The following ARFGAP3 variants were observed in gnomAD, a reference collection of about 807,000 sequenced individuals.
ARFGAP3 encodes the protein ADP-ribosylation factor GTPase-activating protein 3.
In ARFGAP3, 72 loss-of-function variants were observed where a neutral mutation model predicts 75.0. The ratio of observed to expected loss-of-function variants is 0.96; its 90% CI spans 0.79 to 1.17. The LOEUF is 1.17. Among genes scored for constraint, ARFGAP3 ranks in the 50% most tolerant of loss-of-function variants. The pLI is 0.00. For missense variants in ARFGAP3, 620 were observed against 626.6 expected (o/e 0.99, Z 0.11); for synonymous variants, 221 against 217.9 (o/e 1.01, Z -0.13).
chr22:42,840,829 C>A, intron 3 of ARFGAP3, 115 bp downstream of exon 3: 4 of 1,117,664 alleles, frequency 3.6e-6, no homozygotes, highest in Non-Finnish European at 5.1e-6. Flanking sequence ...TTTCAGCCTC[C>A]CAAATGGCTG....
chr22:42,817,246 C>T lies in ARFGAP3; in HGVS notation c.960G>A (p.Val320=). The T allele has an allele frequency of 6.2e-7, 1 of 1,609,512 alleles. No homozygotes were observed. Among genetic ancestry groups the T allele is most frequent in the South Asian group, 1.1e-5 (1 of 90,080 alleles). ...GCTCTATGGTCTGCATATCTGAAGT[C>T]ACTGAATGTGAAATAACACTTGAGA... is the stretch of plus-strand genomic sequence containing the variant. ...GNCRSVISHS[V]TSDMQTIEQE... Residue 320 remains valine (V), a synonymous_variant, in exon 11 of 16, where the codon GTG becomes GTA. Transcript: ENST00000263245.
At chr22:42,847,194 G>T (rs537345395) in intron 2 of ARFGAP3, 13 of 204,302 alleles carry the variant, frequency 6.4e-5, no homozygotes, top group South Asian at 1.7e-4. Flanking sequence ...AAGAGACAGG[G>T]TCTTACTCTG....
intron 3 of ARFGAP3, among the ~76,000 whole-genome samples, chr22:42,839,871 A>G: frequency 6.6e-6 from 1 of 152,084 alleles, no homozygotes; most frequent in East Asian, 1.9e-4. Flanking sequence ...ATTTTTATTT[A>G]TAATAAAATA....
rs879856750 is a variant in ARFGAP3 at position 42,836,507 on chromosome 22, T to A, written c.262-1014A>T. ...ACAAATTAGTGAGGAGCTACATTAATGTTTACCTTGTTTAGCACTATTTTA... is the reference window on the plus strand; with the variant it reads ...ACAAATTAGTGAGGAGCTACATTAAAGTTTACCTTGTTTAGCACTATTTTA... On this transcript the variant is annotated intron_variant, in intron 3 of 15. Transcript: ENST00000263245. Among the ~76,000 whole-genome samples the A allele has an allele frequency of 5.3e-5, 8 of 152,234 alleles. 1 individual carries two copies. Among genetic ancestry groups the A allele is most frequent in the Admixed American group, 4.6e-4 (7 of 15,282 alleles).
At chr22:42,808,712 C>T in intron 13 of ARFGAP3, 55 bp downstream of exon 13, 5 of 1,451,762 alleles carry the variant, frequency 3.4e-6, no homozygotes, top group Non-Finnish European at 4.8e-6. Flanking sequence ...AATGCCCACA[C>T]CCACACTTCC....
rs1442734437 is a variant in ARFGAP3 at position 42,823,545 on chromosome 22, G to A, written c.672+111C>T. The stretch of plus-strand genomic sequence containing the variant: ...CAAAACATAGACTCCTTATATCAAA[G>A]CTACATTTATTACAAGATGGTTCAA... On this transcript the variant is annotated intron_variant, in intron 8 of 15. Transcript: ENST00000263245. 9 of 768,976 alleles carry A rather than the reference G, an allele frequency of 1.2e-5. No homozygotes were observed. In the Admixed American group the frequency reaches 2.9e-4, roughly 25 times the overall value. The allele number at this position is 768,976 out of a possible 1,614,324, so 47.6% of individuals were successfully genotyped here. A position where few individuals can be genotyped will look rare whatever the true frequency, so the allele number is the denominator to read the frequency against.
intron 2 of ARFGAP3, 124 bp from the exon 3 acceptor site, chr22:42,841,140 A>G: frequency 6.8e-7 from 1 of 1,460,982 alleles, no homozygotes; most frequent in Non-Finnish European, 9.0e-7. Flanking sequence ...TTGTGTCAAC[A>G]AGGACCCACA....
intron 8 of ARFGAP3, among the ~76,000 whole-genome samples, chr22:42,822,957 G>A (rs1168389354): frequency 2.0e-5 from 3 of 151,864 alleles, no homozygotes; most frequent in East Asian, 1.9e-4. Context: ...CTACAGGCAC[G>A]GGCCACCAAA....
chr22:42,853,459 T>G (rs941959689), intron 1 of ARFGAP3: 1 of 220,638 alleles, frequency 4.5e-6, no homozygotes, highest in African/African-American at 2.3e-5. Flanking sequence ...CTGGCCATCC[T>G]TGGGCTCTAG....
In ARFGAP3 at chr22:42,831,624, C is replaced by A. The variant is rs775057840; in HGVS notation, c.490G>T (p.Ala164Ser). 1 of 1,614,060 alleles carries A rather than the reference C, an allele frequency of 6.2e-7. No homozygotes were observed. The highest frequency in any genetic ancestry group is 1.1e-5 in the South Asian group (1 of 91,076). ...SHVSPEVSDTAWASAIAEPSS... is the reference protein window; with the variant it reads ...SHVSPEVSDTSWASAIAEPSS... ...GGTTCTGCTATTGCTGATGCCCACG[C>A]TGTGTCACTCACCTGAAACAAGGCG... is the stretch of plus-strand genomic sequence containing the variant. The change falls in exon 6 of 16, where the codon GCG becomes TCG. Residue 164 changes from alanine (A) to serine (S), a missense_variant. Coordinates refer to ENST00000263245, the MANE Select transcript of ARFGAP3 (RefSeq NM_014570.5).
intron 2 of ARFGAP3, among the ~76,000 whole-genome samples, chr22:42,845,372 A>G (rs1035540259): frequency 3.3e-5 from 5 of 152,014 alleles, no homozygotes; most frequent in Non-Finnish European, 2.9e-5. Context: ...TAAAAGTACA[A>G]AACTTAGATG....
chr22:42,848,277 C>T (rs774482799), intron 1 of ARFGAP3, among the ~76,000 whole-genome samples: 11 of 152,012 alleles, frequency 7.2e-5, no homozygotes, highest in Non-Finnish European at 1.2e-4. Flanking sequence ...GGCACGATTT[C>T]GTCTCACTGC....
chr22:42,826,817 CAG>C (rs1054422147), intron 7 of ARFGAP3, 121 bp downstream of exon 7: 50 of 628,210 alleles, frequency 8.0e-5, no homozygotes, highest in Middle Eastern at 4.2e-4. Context: ...ATCTTATTAA[CAG>C]ATTCGGTCAT....
chr22:42,822,213 C>G (rs1925841547), intron 9 of ARFGAP3, 57 bp downstream of exon 9: 2 of 1,361,512 alleles, frequency 1.5e-6, no homozygotes, highest in Admixed American at 2.0e-5. Flanking sequence ...AAAGCAAAAT[C>G]TTGAGTTAAT....
At chr22:42,813,099 A>T (rs1212472559) in intron 11 of ARFGAP3, among the ~76,000 whole-genome samples, 1 of 152,256 alleles carries the variant, frequency 6.6e-6, no homozygotes, top group Non-Finnish European at 1.5e-5. Context: ...AAGAACTAAG[A>T]TCAATTCAGT....
chr22:42,831,574 C>T lies in ARFGAP3; in HGVS notation c.540G>A (p.Val180=), dbSNP rs1322195514. The change falls in exon 6 of 16, where the codon GTG becomes GTA. Residue 180 remains valine, a synonymous_variant. Coordinates refer to ENST00000263245, the MANE Select transcript of ARFGAP3 (RefSeq NM_014570.5). ...CTTCATTATTTTCCAAAGTGGTTTCCACAGGCCTTGATGTTAAAGAAGATG... is the reference window on the plus strand; with the variant it reads ...CTTCATTATTTTCCAAAGTGGTTTCTACAGGCCTTGATGTTAAAGAAGATG... ...AEPSSLTSRP[V]ETTLENNEGG... is the part of the protein sequence containing the mutation. 1 of 1,613,782 alleles carries T rather than the reference C, an allele frequency of 6.2e-7. No individual in the cohort carries two copies. The highest frequency in any genetic ancestry group is 1.1e-5 in the South Asian group (1 of 91,068).
intron 9 of ARFGAP3, among the ~76,000 whole-genome samples, chr22:42,820,273 G>A (rs1925754784): frequency 6.6e-6 from 1 of 152,192 alleles, no homozygotes; most frequent in African/African-American, 2.4e-5. Context: ...ACTTAGCTTA[G>A]TAAGAGAAAT....
At chr22:42,856,857 G>A (rs1424923456) in intron 1 of ARFGAP3, among the ~76,000 whole-genome samples, 1 of 151,522 alleles carries the variant, frequency 6.6e-6, no homozygotes, top group East Asian at 1.9e-4. Context: ...GCTCGCCGGG[G>A]GGTGTGCCCG....
intron 14 of ARFGAP3, 122 bp downstream of exon 14, chr22:42,806,951 A>C: frequency 1.0e-6 from 1 of 989,352 alleles, no homozygotes; most frequent in Non-Finnish European, 1.4e-6. Flanking sequence ...GACTTATAGC[A>C]GAGATCAGAG....
Sources: allele counts gnomAD v4.1 joint callset (sites outside exome capture counted in the v4.1 genomes callset), GRCh38; gene constraint gnomAD v4.1.1; transcripts MANE v1.5; gene names NCBI Gene and HGNC (gene_info 2026-07-23, HGNC 2026-07-21).